GALNT13: variants seen among roughly 807,000 people sequenced by gnomAD.
GALNT13 encodes UDP-GalNAc:polypeptide N-acetylgalactosaminyltransferase 13.
Under a neutral mutation model 64.2 loss-of-function variants are expected in GALNT13, and 28 were observed. The observed-to-expected ratio is 0.44, with a 90% CI of 0.32 to 0.60. The LOEUF (loss-of-function observed/expected upper bound fraction) is 0.60, where lower values mean the gene tolerates loss of function less well. Ranked by LOEUF, GALNT13 falls within the 20% of genes least tolerant of loss-of-function variation. The probability of loss-of-function intolerance (pLI) is 0.05; values close to 1 mark genes in which losing one functional copy is unlikely to be tolerated. For synonymous variants in GALNT13, 214 were observed against 224.6 expected (o/e 0.95, Z 0.42); for missense variants, 577 against 669.8 (o/e 0.86, Z 1.53).
the GALNT13 span, among the ~76,000 whole-genome samples, chr2:153,590,379 A>G: frequency 1.3e-5 from 2 of 152,144 alleles, no homozygotes; most frequent in Admixed American, 6.5e-5. Flanking sequence ...GACCAGATGG[A>G]TTTACAGCCA....
the GALNT13 span, among the ~76,000 whole-genome samples, chr2:153,302,931 G>A: frequency 3.9e-5 from 6 of 152,180 alleles, no homozygotes; most frequent in Admixed American, 2.6e-4. Flanking sequence ...AATACCATGT[G>A]TTTTTGATTA....
At chr2:154,201,042 A>G (rs769027340) in intron 4 of GALNT13, among the ~76,000 whole-genome samples, 2 of 152,248 alleles carry the variant, frequency 1.3e-5, no homozygotes, top group Non-Finnish European at 2.9e-5. Context: ...AAGTCTCTTT[A>G]TATGTATATG....
intron 3 of GALNT13, among the ~76,000 whole-genome samples, chr2:154,060,340 T>C (rs1700110885): frequency 6.6e-6 from 1 of 152,098 alleles, no homozygotes. Context: ...GATAGAGTTA[T>C]ATCTTTATTT....
intron 3 of GALNT13, among the ~76,000 whole-genome samples, chr2:154,123,203 A>C (rs1306374207): frequency 6.6e-6 from 1 of 152,060 alleles, no homozygotes; most frequent in Non-Finnish European, 1.5e-5. Flanking sequence ...GAGATCAAGG[A>C]ACTTGGAAAT....
intron 3 of GALNT13, among the ~76,000 whole-genome samples, chr2:153,950,838 G>A (rs1395387860): frequency 6.6e-6 from 1 of 151,958 alleles, no homozygotes; most frequent in African/African-American, 2.4e-5. Flanking sequence ...CAGCCTGTGT[G>A]ACACGATAAT....
chr2:153,223,528 A>T, the GALNT13 span, among the ~76,000 whole-genome samples: 13 of 152,360 alleles, frequency 8.5e-5, no homozygotes, highest in African/African-American at 2.2e-4. Flanking sequence ...GAACATTTTT[A>T]AAAAACTGGA....
At position 154,168,673 on chromosome 2, in the gene GALNT13, T is replaced by TAAA. The variant is rs70983708; in HGVS notation, c.311+28186_311+28188dup. ...CATAGTGAAACCTCATCTCTACTAT[T>TAAA]AAAAAAAAAAAAAAAAAAAAGTAGC... On this transcript the variant is annotated intron_variant, in intron 4 of 12. Coordinates refer to ENST00000392825, the MANE Select transcript of GALNT13 (RefSeq NM_052917.4). Among the ~76,000 whole-genome samples, 904 of 101,064 alleles carry TAAA rather than the reference T, an allele frequency of 8.9e-3. 18 individuals carry two copies. The highest frequency in any genetic ancestry group is 0.025 in the African/African-American group (787 of 31,986). 66.3% of individuals were successfully genotyped at this position (101,064 alleles called of 152,430 possible). A position where few individuals can be genotyped will look rare whatever the true frequency, so the allele number is the denominator to read the frequency against.
the GALNT13 span, among the ~76,000 whole-genome samples, chr2:153,444,470 G>C: frequency 7.9e-5 from 12 of 152,156 alleles, no homozygotes; most frequent in Non-Finnish European, 1.5e-4. Flanking sequence ...AAGTGCACTA[G>C]CAGAAAAGCA....
At chr2:153,275,781 T>G in the GALNT13 span, among the ~76,000 whole-genome samples, 125,491 of 151,990 alleles carry the variant, frequency 0.83, 52,994 homozygotes, top group African/African-American at 0.91. Flanking sequence ...TTATGTACAA[T>G]TGTCAGTATT....
At chr2:153,083,061 A>T in the GALNT13 span, among the ~76,000 whole-genome samples, 1 of 152,026 alleles carries the variant, frequency 6.6e-6, no homozygotes, top group African/African-American at 2.4e-5. Flanking sequence ...ACTCCTGACC[A>T]CTTGATCTGC....
chr2:153,190,698 C>A, the GALNT13 span, among the ~76,000 whole-genome samples: 6 of 151,978 alleles, frequency 3.9e-5, no homozygotes, highest in African/African-American at 1.4e-4. Flanking sequence ...TATTAATTCT[C>A]TCAATCTATG....
the GALNT13 span, among the ~76,000 whole-genome samples, chr2:153,585,190 A>C: frequency 6.6e-6 from 1 of 152,202 alleles, no homozygotes; most frequent in Non-Finnish European, 1.5e-5. Flanking sequence ...TCAATTCAGG[A>C]AGTGCATAAG....
intron 4 of GALNT13, among the ~76,000 whole-genome samples, chr2:154,147,729 A>G (rs576719546): frequency 1.3e-5 from 2 of 152,038 alleles, no homozygotes; most frequent in Admixed American, 6.6e-5. Context: ...TGCAAATTCT[A>G]ATTGAGAAAG....
At chr2:153,566,348 GTTTTTTTTTT>G in the GALNT13 span, among the ~76,000 whole-genome samples, 15 of 74,824 alleles carry the variant, frequency 2.0e-4, no homozygotes, top group Admixed American at 4.7e-4. Flanking sequence ...TTCTAATCAC[GTTTTTTTTTT>G]TTTTTTTTTT....
chr2:154,289,899 T>C (rs1692500046), intron 8 of GALNT13, among the ~76,000 whole-genome samples: 1 of 152,200 alleles, frequency 6.6e-6, no homozygotes, highest in Admixed American at 6.5e-5. Flanking sequence ...CTGCCTCTGC[T>C]CATAATCAGA....
intron 4 of GALNT13, among the ~76,000 whole-genome samples, chr2:154,227,333 CT>C (rs755632797): frequency 6.0e-5 from 9 of 149,398 alleles, no homozygotes; most frequent in African/African-American, 1.5e-4. Context: ...TTCTTTTTTT[CT>C]TTTTTTTTAT....
intron 3 of GALNT13, among the ~76,000 whole-genome samples, chr2:153,974,197 C>A (rs1188931838): frequency 2.6e-5 from 4 of 152,044 alleles, no homozygotes; most frequent in African/African-American, 9.7e-5. Flanking sequence ...CAACTAACGG[C>A]AGCTCTAAGT....
At chr2:153,268,800 G>T in the GALNT13 span, among the ~76,000 whole-genome samples, 2 of 152,222 alleles carry the variant, frequency 1.3e-5, no homozygotes, top group Admixed American at 6.5e-5. Context: ...ACACCTGGAA[G>T]CCACCAAGGC....
In GALNT13 at chr2:154,061,267, T is replaced by A. The variant is rs576152081; in HGVS notation, c.143-79070T>A. Among the ~76,000 whole-genome samples, 27 of 152,228 alleles carry A rather than the reference T, an allele frequency of 1.8e-4. No homozygotes were observed. In the South Asian group the frequency reaches 3.9e-3, roughly 22 times the overall value. On this transcript the variant is annotated intron_variant, in intron 3 of 12. Coordinates refer to ENST00000392825, the MANE Select transcript of GALNT13 (RefSeq NM_052917.4). ...TTGTCAGTTGAGGCGTTGGGCTGAGTCCTTGACTGCAGCTCAGTAATTGCA... is the reference window on the plus strand; with the variant it reads ...TTGTCAGTTGAGGCGTTGGGCTGAGACCTTGACTGCAGCTCAGTAATTGCA...
Sources: allele counts gnomAD v4.1 joint callset (sites outside exome capture counted in the v4.1 genomes callset), GRCh38; gene constraint gnomAD v4.1.1; transcripts MANE v1.5; gene names NCBI Gene and HGNC (gene_info 2026-07-23, HGNC 2026-07-21).